Variants in WDR35 observed in about 807,000 individuals in gnomAD.
WDR35 encodes WD repeat-containing protein 35.
WDR35 carries 118 observed loss-of-function variants against 158.3 expected under a neutral mutation model. The ratio of observed to expected loss-of-function variants is 0.75; its 90% confidence interval spans 0.64 to 0.87. WDR35 has a LOEUF of 0.87. Ranked by LOEUF, WDR35 falls within the 40% of genes least tolerant of loss-of-function variation. The probability of loss-of-function intolerance (pLI) is 0.00; values close to 1 mark genes in which losing one functional copy is unlikely to be tolerated. For missense variants in WDR35, 1,263 were observed against 1,405.8 expected (o/e 0.90, Z 1.62); for synonymous variants, 448 against 476.1 (o/e 0.94, Z 0.77).
At chr2:19,938,011 T>C in intron 18 of WDR35, 65 bp from the exon 19 acceptor site, 1 of 1,565,242 alleles carries the variant, frequency 6.4e-7, no homozygotes, top group Admixed American at 1.7e-5. Flanking sequence ...TAGTCTTGAA[T>C]CACAATTCAA....
chr2:19,933,051 T>C (rs1670571535), intron 22 of WDR35, among the ~76,000 whole-genome samples: 1 of 152,188 alleles, frequency 6.6e-6, no homozygotes. Context: ...AACCATTAAC[T>C]GGTCCTTCTT....
At chr2:19,930,680 CTT>C in intron 24 of WDR35, 128 bp from the exon 25 acceptor site, 6 of 1,252,826 alleles carry the variant, frequency 4.8e-6, no homozygotes, top group Non-Finnish European at 5.5e-6. Context: ...TGATTACAGA[CTT>C]TTTTTTTTAA....
chr2:19,955,481 A>G (rs1671397053), intron 11 of WDR35, among the ~76,000 whole-genome samples: 1 of 152,246 alleles, frequency 6.6e-6, no homozygotes, highest in Admixed American at 6.5e-5. Context: ...CTTATAGATA[A>G]ATAAACAGAG....
intron 25 of WDR35, among the ~76,000 whole-genome samples, chr2:19,915,837 A>G (rs1025230570): frequency 4.3e-4 from 66 of 151,922 alleles, no homozygotes; most frequent in Admixed American, 4.3e-3. Context: ...GTGAGATCTA[A>G]AAAAGTTGAC....
intron 22 of WDR35, 97 bp from the exon 23 acceptor site, chr2:19,932,544 C>T: frequency 6.8e-7 from 1 of 1,476,722 alleles, no homozygotes. Flanking sequence ...AGTAAAAACA[C>T]TATTTCAAAA....
chr2:19,916,112 G>A (rs115704414), intron 25 of WDR35, among the ~76,000 whole-genome samples: 5,303 of 152,190 alleles, frequency 0.035, 299 homozygotes, highest in African/African-American at 0.12. Flanking sequence ...CCAAAGCAGG[G>A]TGGGGCGTCA....
rs1479483938 is a variant in WDR35, at chr2:19,964,501, A to G, written c.1194+2223T>C. On this transcript the variant is annotated intron_variant, in intron 10 of 26. Transcript: ENST00000281405. ...TGGGTTCAAGCAATTCTCCTGCCTC[A>G]GCCTCCTGAGTAGCTGGGACTACAG... Among the ~76,000 whole-genome samples the G allele has an allele frequency of 4.7e-5, 7 of 149,842 alleles. No homozygotes were observed. The East Asian group carries it at 1.4e-3, about 30-fold the overall frequency.
intron 10 of WDR35, among the ~76,000 whole-genome samples, chr2:19,963,031 G>A (rs368012202): frequency 3.5e-4 from 54 of 152,154 alleles, no homozygotes; most frequent in African/African-American, 1.2e-3. Flanking sequence ...TCTAAGTAAC[G>A]TGTTTATACT....
In WDR35 at chr2:19,912,312, A is replaced by G. The variant is rs1669863401; in HGVS notation, c.*1246T>C. 6.6e-6 allele frequency: 1 copy of G among 152,178 alleles called. No homozygotes were observed. Among genetic ancestry groups the G allele is most frequent in the East Asian group, 1.9e-4 (1 of 5,198 alleles). 9.4% of individuals were successfully genotyped at this position (152,178 alleles called of 1,614,324 possible). On this transcript the variant is annotated 3_prime_UTR_variant, in exon 27 of 27. Transcript: ENST00000281405. ...CGAGGCAGTCTATTTAGAGGCTACC[A>G]TTGTACCAAGGTAATTTTCCACGAG...
At chr2:19,944,548 C>T (rs1455923838) in intron 16 of WDR35, among the ~76,000 whole-genome samples, 3 of 152,252 alleles carry the variant, frequency 2.0e-5, no homozygotes, top group African/African-American at 7.2e-5. Flanking sequence ...TGTGGATTAC[C>T]TGTCAAATTC....
chr2:19,937,927 C>G lies in WDR35; in HGVS notation c.2083G>C (p.Ala695Pro). 1 of 1,614,108 alleles carries G rather than the reference C, an allele frequency of 6.2e-7. No individual in the cohort carries two copies. Among genetic ancestry groups the G allele is most frequent in the Non-Finnish European group, 8.5e-7 (1 of 1,180,006 alleles). The change falls in exon 19 of 27, where the codon GCT becomes CCT. Residue 695 changes from alanine to proline, a missense_variant. Transcript: ENST00000281405. ...PRLWRLLAEA[A>P]LQKLDLYTAE... ...GTGTATAGATCCAGTTTCTGAAGAG[C>G]TGCTTCAGCCAGTAGGCGCCTTTAT... is the stretch of plus-strand genomic sequence containing the variant.
In WDR35 at chr2:19,938,327, A is replaced by C. The variant is rs776183199; in HGVS notation, c.2001T>G (p.Ile667Met). 18 of 1,613,938 alleles carry C rather than the reference A, an allele frequency of 1.1e-5. No individual in the cohort carries two copies. The highest frequency in any genetic ancestry group is 2.7e-5 in the African/African-American group (2 of 75,010). Reference sequence around the variant, plus strand: ...ATGCATCTTTAATTCCAACCTTCTCAATCAGTGCTCGGCTATCTCGCAGAG... The same window carrying C: ...ATGCATCTTTAATTCCAACCTTCTCCATCAGTGCTCGGCTATCTCGCAGAG... ...IRSLRDSRAL[I>M]EKVGIKDASQ... Residue 667 changes from isoleucine to methionine, a missense_variant, in exon 18 of 27, where the codon ATT becomes ATG. Coordinates refer to ENST00000281405, the MANE Select transcript of WDR35 (RefSeq NM_020779.4).
intron 11 of WDR35, among the ~76,000 whole-genome samples, chr2:19,958,241 C>T (rs1439651801): frequency 6.6e-6 from 1 of 152,212 alleles, no homozygotes; most frequent in Non-Finnish European, 1.5e-5. Flanking sequence ...ACTTGATGGC[C>T]ACTTTCCATG....
chr2:19,927,679 T>C (rs1454909995), intron 25 of WDR35, among the ~76,000 whole-genome samples: 1 of 152,230 alleles, frequency 6.6e-6, no homozygotes, highest in East Asian at 1.9e-4. Context: ...AAAAAGCGTC[T>C]AGAAGGACAC....
rs113345685 is a variant in WDR35 at position 19,946,494 on chromosome 2, C to T, written c.1601G>A (p.Arg534Gln). 2.0e-3 allele frequency: 3,305 copies of T among 1,613,448 alleles called. 66 individuals are homozygous for T. The African/African-American group carries it at 0.039, about 19-fold the overall frequency. ...GCAATTCAAGGATAACTGGTAGGCT[C>T]GACAATTAAGGGAATATTTTTGAAT... ...GLIQKYSLNC[R>Q]AYQLSLNCNS... The change falls in exon 15 of 27, where the codon CGA (arginine) becomes CAA (glutamine). Residue 534 changes from arginine to glutamine, a missense_variant. Physicochemically the swap from Arg to Gln is conservative, Grantham distance 43. Transcript: ENST00000281405.
rs1484503973 is a variant in WDR35 at position 19,938,248 on chromosome 2, T to C, written c.2063+17A>G. The C allele has an allele frequency of 1.2e-6, 2 of 1,613,956 alleles. No individual in the cohort carries two copies. Among genetic ancestry groups the C allele is most frequent in the East Asian group, 2.2e-5 (1 of 44,862 alleles). On this transcript the variant is annotated intron_variant, in intron 18 of 26. Coordinates refer to ENST00000281405, the MANE Select transcript of WDR35 (RefSeq NM_020779.4). ...CCTACACCTGACATCCTGGGAGAGT[T>C]TGCTTTTTTTAAATACCAAAGTCGG...
At chr2:19,966,605 T>C in intron 10 of WDR35, 119 bp downstream of exon 10, 1 of 1,191,206 alleles carries the variant, frequency 8.4e-7, no homozygotes, top group South Asian at 1.3e-5. Context: ...AGACCAATAG[T>C]GCCAACAGAC....
chr2:19,978,681 C>G (rs546808274), intron 5 of WDR35, 70 bp downstream of exon 5: 76 of 1,606,910 alleles, frequency 4.7e-5, no homozygotes, highest in South Asian at 3.2e-4. Context: ...TGGTAACTAA[C>G]TTAAATCTCT....
intron 19 of WDR35, among the ~76,000 whole-genome samples, chr2:19,936,793 C>A (rs539881990): frequency 6.6e-6 from 1 of 152,096 alleles, no homozygotes; most frequent in Non-Finnish European, 1.5e-5. Context: ...AACTTGTTGA[C>A]GCCTTGATCT....
Sources: allele counts gnomAD v4.1 joint callset (sites outside exome capture counted in the v4.1 genomes callset), GRCh38; gene constraint gnomAD v4.1.1; transcripts MANE v1.5; gene names NCBI Gene and HGNC (gene_info 2026-07-23, HGNC 2026-07-21).